Variants in TICRR observed in about 807,000 individuals in gnomAD.
TICRR encodes the protein TOPBP1 interacting checkpoint and replication regulator.
A neutral mutation model predicts 178.1 loss-of-function variants in TICRR; 132 were observed. The ratio of observed to expected loss-of-function variants is 0.74; its 90% confidence interval spans 0.64 to 0.86. TICRR has a LOEUF of 0.86. TICRR is among the 40% of genes least tolerant of loss of function. TICRR has a pLI of 0.00. For synonymous variants in TICRR, 991 were observed against 900.7 expected, an observed-to-expected ratio of 1.10 and a Z score of -1.79; for missense variants, 2,587 against 2,334.3, an observed-to-expected ratio of 1.11 and a Z score of -2.23.
chr15:89,617,991 C>T (rs769115239), intron 16 of TICRR, 161 bp from the exon 17 acceptor site: 1 of 759,364 alleles, frequency 1.3e-6, no homozygotes, highest in South Asian at 1.6e-5. Flanking sequence ...TGTGGCCAGC[C>T]TCCCTCTTGA....
At chr15:89,599,684 G>C (rs140004367) in intron 8 of TICRR, among the ~76,000 whole-genome samples, 2 of 152,248 alleles carry the variant, frequency 1.3e-5, no homozygotes, top group East Asian at 3.9e-4. Flanking sequence ...TGGGGTGAGC[G>C]GGGATAATTA....
chr15:89,625,067 C>T lies in TICRR; in HGVS notation c.4757C>T (p.Ala1586Val), dbSNP rs1426061437. 3.1e-6 allele frequency: 5 copies of T among 1,613,970 alleles called. No homozygotes were observed. The highest frequency in any genetic ancestry group is 1.1e-5 in the South Asian group (1 of 91,082). ...ATAGACCCCAGCTCTTCATTAGAGG[C>T]TGAGCCCCTCAGCAAGGAGGAGAGC... Reference protein sequence around the residue: ...KKIDPSSSLEAEPLSKEESSL... With the variant: ...KKIDPSSSLEVEPLSKEESSL... The change falls in exon 20 of 22, where the codon GCT becomes GTT. Residue 1586 changes from alanine to valine, a missense_variant. Physicochemically the swap from Ala to Val is moderately conservative, Grantham distance 64. Coordinates refer to ENST00000268138, the MANE Select transcript of TICRR (RefSeq NM_152259.4).
intron 15 of TICRR, 98 bp from the exon 16 acceptor site, chr15:89,616,307 A>G: frequency 2.2e-6 from 2 of 893,448 alleles, no homozygotes; most frequent in East Asian, 2.5e-5. Flanking sequence ...CAGCTAGGTA[A>G]TAAGCCATAC....
chr15:89,577,599 CTTTTTT>C (rs71151513), intron 1 of TICRR, among the ~76,000 whole-genome samples: 2 of 60,872 alleles, frequency 3.3e-5, no homozygotes, highest in African/African-American at 7.7e-5. Flanking sequence ...GAGGGAAGGC[CTTTTTT>C]TTTTTTTTTT....
intron 13 of TICRR, among the ~76,000 whole-genome samples, chr15:89,605,704 G>A (rs1963165091): frequency 7.2e-6 from 1 of 139,174 alleles, no homozygotes; most frequent in South Asian, 2.5e-4. Context: ...CTTTATAAGA[G>A]TTATTAATCA....
At chr15:89,578,851 A>G (rs1302778191) in intron 1 of TICRR, among the ~76,000 whole-genome samples, 2 of 152,108 alleles carry the variant, frequency 1.3e-5, no homozygotes, top group Admixed American at 6.5e-5. Context: ...CTGAAGATCT[A>G]TCATTTTCTA....
rs1963337246 is a variant in TICRR at position 89,616,468 on chromosome 15, G to C, written c.2933G>C (p.Arg978Thr). The change falls in exon 16 of 22, where the codon AGG becomes ACG. Residue 978 changes from arginine (R) to threonine (T), a missense_variant. Physicochemically the swap from Arg to Thr is moderately conservative, Grantham distance 71. Transcript: ENST00000268138. The stretch of plus-strand genomic sequence containing the variant: ...CCAGTGCATAAGCAGATCTCCAAAA[G>C]GCTGCTGCACAGACAAATCAAGGGC... ...ETPVHKQISK[R>T]LLHRQIKGRS... 6.2e-7 allele frequency: 1 copy of C among 1,613,854 alleles called. No individual in the cohort carries two copies. The highest frequency in any genetic ancestry group is 8.5e-7 in the Non-Finnish European group (1 of 1,179,902).
At chr15:89,595,245 A>G (rs1481457285) in intron 6 of TICRR, 148 bp from the exon 7 acceptor site, 10 of 638,992 alleles carry the variant, frequency 1.6e-5, no homozygotes, top group Admixed American at 2.9e-5. Context: ...GTGGGCAGAA[A>G]GAGATGCAAG....
In TICRR at chr15:89,625,243, C is replaced by T. The variant is rs778275631; in HGVS notation, c.4933C>T (p.Gln1645Ter). The T allele has an allele frequency of 1.2e-6, 2 of 1,613,682 alleles. No homozygotes were observed. The highest frequency in any genetic ancestry group is 1.1e-5 in the South Asian group (1 of 91,062). The change falls in exon 20 of 22, where the codon CAG becomes TAG. Residue 1645 changes from glutamine to a stop codon, truncating the protein, a stop_gained. Transcript: ENST00000268138. LOFTEE classifies it high-confidence loss of function. The stretch of plus-strand genomic sequence containing the variant: ...GAGCAGGGGGCAAACCTACATCTGC[C>T]AGGCCTGTACCCCCACCCACGGCCC... ...GKSRGQTYIC[Q>*]ACTPTHGPSS...
intron 9 of TICRR, among the ~76,000 whole-genome samples, chr15:89,600,901 G>T (rs989275486): frequency 9.2e-5 from 14 of 151,688 alleles, no homozygotes; most frequent in Non-Finnish European, 1.6e-4. Flanking sequence ...TTTTAATTAG[G>T]TGAGCATGGT....
In TICRR at chr15:89,595,475, T is replaced by C. The variant is rs1477643226; in HGVS notation, c.1764T>C (p.Asn588=). 4 of 1,614,064 alleles carry C rather than the reference T, an allele frequency of 2.5e-6. No homozygotes were observed. In the Middle Eastern group the frequency reaches 5.0e-4, roughly 200 times the overall value. Reference sequence around the variant, plus strand: ...AGATGTTGAATGTCGCAAGGCTGAATGTGAAGGCCCAGAAGTTACATCCAG... The same window carrying C: ...AGATGTTGAATGTCGCAAGGCTGAACGTGAAGGCCCAGAAGTTACATCCAG... ...SLKMLNVARL[N]VKAQKLHPDG... Residue 588 remains asparagine (N), a synonymous_variant, in exon 7 of 22, where the codon AAT becomes AAC. Transcript: ENST00000268138.
At position 89,611,959 on chromosome 15, in the gene TICRR, A is replaced by G. The variant is rs577987780; in HGVS notation, c.2869+3010A>G. Among the ~76,000 whole-genome samples the G allele has an allele frequency of 3.3e-5, 5 of 152,276 alleles. No individual in the cohort carries two copies. The South Asian group carries it at 8.3e-4, about 25-fold the overall frequency. On this transcript the variant is annotated intron_variant, in intron 15 of 21. Coordinates refer to ENST00000268138, the MANE Select transcript of TICRR (RefSeq NM_152259.4). ...TTAACATCTTTGACTAGTAATTCCA[A>G]TGTCTTGGCTTCCTTAGTGACGGTT... is the stretch of plus-strand genomic sequence containing the variant.
chr15:89,601,710 T>C, intron 11 of TICRR, 27 bp from the exon 12 acceptor site: 1 of 1,613,870 alleles, frequency 6.2e-7, no homozygotes, highest in Non-Finnish European at 8.5e-7. Context: ...TGGTAACTGT[T>C]CCGTATTCGA....
intron 13 of TICRR, among the ~76,000 whole-genome samples, 198 bp from the exon 14 acceptor site, chr15:89,606,570 A>G (rs1327479501): frequency 2.6e-5 from 4 of 152,138 alleles, no homozygotes; most frequent in Non-Finnish European, 4.4e-5. Flanking sequence ...ATGGGCATTT[A>G]TAGTGTTTTT....
intron 1 of TICRR, among the ~76,000 whole-genome samples, chr15:89,577,141 CTTGGCCTCCCG>C (rs1962637667): frequency 6.6e-6 from 1 of 152,036 alleles, no homozygotes; most frequent in Non-Finnish European, 1.5e-5. Flanking sequence ...ATCCGCCTGC[CTTGGCCTCCCG>C]AAGTGCCAGG....
chr15:89,610,283 T>C (rs1288581814), intron 15 of TICRR, among the ~76,000 whole-genome samples: 1 of 152,226 alleles, frequency 6.6e-6, no homozygotes, highest in African/African-American at 2.4e-5. Flanking sequence ...TTTTATTGTT[T>C]ATTTATTATT....
At chr15:89,596,190 T>A (rs543407329) in intron 7 of TICRR, among the ~76,000 whole-genome samples, 1 of 152,332 alleles carries the variant, frequency 6.6e-6, no homozygotes, top group South Asian at 2.1e-4. Flanking sequence ...TTTCAATAAA[T>A]GATGCTGGAA....
At position 89,601,971 on chromosome 15, in the gene TICRR, G is replaced by C; in HGVS notation, c.2562G>C (p.Lys854Asn). Residue 854 changes from lysine (K) to asparagine (N), a missense_variant, in exon 12 of 22, where the codon AAG (lysine) becomes AAC (asparagine). By Grantham distance (94) the Lys-to-Asn change is moderately conservative. Coordinates refer to ENST00000268138, the MANE Select transcript of TICRR (RefSeq NM_152259.4). ...LQELRTRSAK[K>N]RRKNALIRHK... ...AACTTCGTACCAGATCAGCCAAGAA[G>C]AGAAGGTAAGAGGTCAAAGAATCAA... The C allele has an allele frequency of 4.3e-6, 7 of 1,614,060 alleles. No homozygotes were observed. Among genetic ancestry groups the C allele is most frequent in the Non-Finnish European group, 5.9e-6 (7 of 1,179,994 alleles).
At chr15:89,587,439 C>T (rs183338016) in intron 4 of TICRR, among the ~76,000 whole-genome samples, 76 of 151,876 alleles carry the variant, frequency 5.0e-4, no homozygotes, top group South Asian at 3.3e-3. Flanking sequence ...TGGGGGTGGG[C>T]GTAGATGGGA....
Sources: gnomAD v4.1 joint callset for allele counts (sites outside exome capture counted in the v4.1 genomes callset) on GRCh38, gnomAD v4.1.1 for gene constraint, MANE v1.5 for transcripts, NCBI Gene and HGNC (gene_info 2026-07-23, HGNC 2026-07-21) for gene names.